The following OR7E24 variants were observed in gnomAD, a reference collection of about 807,000 sequenced individuals.
OR7E24 encodes the protein olfactory receptor family 7 subfamily E member 24, also known as olfactory receptor 7E24.
For synonymous variants in OR7E24, 130 were observed against 157.5 expected, an observed-to-expected ratio of 0.83 and a Z score of 1.31; for missense variants, 385 against 410.3, an observed-to-expected ratio of 0.94 and a Z score of 0.53.
chr19:9,250,439 A>G (rs554471699), upstream of OR7E24, among the ~76,000 whole-genome samples: 7 of 152,356 alleles, frequency 4.6e-5, no homozygotes, highest in Admixed American at 4.6e-4. Flanking sequence ...AAGGACAGGA[A>G]TTATAATTAA....
chr19:9,238,550 T>C, the OR7E24 span, among the ~76,000 whole-genome samples: 2 of 152,350 alleles, frequency 1.3e-5, no homozygotes, highest in Non-Finnish European at 2.9e-5. Context: ...CCCATTTGTA[T>C]GTTATCTTTC....
At chr19:9,230,955 A>G in the OR7E24 span, among the ~76,000 whole-genome samples, 1 of 152,122 alleles carries the variant, frequency 6.6e-6, no homozygotes, top group African/African-American at 2.4e-5. Context: ...TCTGTGGCCC[A>G]GGCTAGAGTA....
the OR7E24 span, among the ~76,000 whole-genome samples, chr19:9,234,204 A>G: frequency 1.3e-5 from 2 of 152,194 alleles, no homozygotes; most frequent in Non-Finnish European, 2.9e-5. Context: ...GCCTGGCCAC[A>G]TGTCTTTCTT....
chr19:9,233,150 C>T, the OR7E24 span, among the ~76,000 whole-genome samples: 2 of 152,168 alleles, frequency 1.3e-5, no homozygotes, highest in African/African-American at 4.8e-5. Flanking sequence ...ATCTTCTTCT[C>T]TTAGCTCCAA....
the OR7E24 span, among the ~76,000 whole-genome samples, chr19:9,227,438 C>T: frequency 4.6e-5 from 7 of 152,104 alleles, no homozygotes; most frequent in Non-Finnish European, 1.0e-4. Context: ...CCACGTTGGC[C>T]AGGCTGGTCT....
chr19:9,215,867 C>T, the OR7E24 span, among the ~76,000 whole-genome samples: 2 of 152,114 alleles, frequency 1.3e-5, no homozygotes, highest in Non-Finnish European at 2.9e-5. Context: ...ATGCATTAGT[C>T]TGTTTTCACT....
the OR7E24 span, among the ~76,000 whole-genome samples, chr19:9,231,787 A>G: frequency 6.6e-6 from 1 of 152,184 alleles, no homozygotes; most frequent in Non-Finnish European, 1.5e-5. Context: ...GGAGTCTTAC[A>G]TGTTCACGGT....
the OR7E24 span, among the ~76,000 whole-genome samples, chr19:9,239,013 A>G: frequency 1.3e-5 from 2 of 152,188 alleles, no homozygotes; most frequent in African/African-American, 4.8e-5. Flanking sequence ...TACTGCTTTC[A>G]TATAAACTCA....
chr19:9,223,357 G>A, the OR7E24 span, among the ~76,000 whole-genome samples: 1 of 152,296 alleles, frequency 6.6e-6, no homozygotes, highest in South Asian at 2.1e-4. Context: ...ACCATCAGGT[G>A]GCCAATGATA....
At chr19:9,236,935 A>G in the OR7E24 span, among the ~76,000 whole-genome samples, 2 of 152,176 alleles carry the variant, frequency 1.3e-5, no homozygotes, top group African/African-American at 2.4e-5. Flanking sequence ...TTTCATCCTA[A>G]AAACCTTTCT....
the OR7E24 span, chr19:9,214,673 G>A: frequency 6.2e-7 from 1 of 1,614,070 alleles, no homozygotes; most frequent in African/African-American, 1.3e-5. Context: ...TGGGGGTGTG[G>A]AGGTGGGAGT....
At chr19:9,234,206 GTCT>G in the OR7E24 span, among the ~76,000 whole-genome samples, 1 of 152,068 alleles carries the variant, frequency 6.6e-6, no homozygotes, top group Non-Finnish European at 1.5e-5. Flanking sequence ...CTGGCCACAT[GTCT>G]TTCTTAAGGT....
chr19:9,219,245 TG>T, the OR7E24 span: 1 of 152,288 alleles, frequency 6.6e-6, no homozygotes, highest in East Asian at 1.9e-4. Context: ...AATAAGTAAC[TG>T]GATGTACGAA....
chr19:9,240,845 T>C, the OR7E24 span, among the ~76,000 whole-genome samples: 2 of 152,182 alleles, frequency 1.3e-5, no homozygotes, highest in African/African-American at 4.8e-5. Flanking sequence ...TGAGACACAG[T>C]CTCTCTCTGT....
At chr19:9,217,363 A>T in the OR7E24 span, among the ~76,000 whole-genome samples, 2 of 152,310 alleles carry the variant, frequency 1.3e-5, no homozygotes, top group South Asian at 2.1e-4. Flanking sequence ...TTGAAAAAAA[A>T]TTTGCATTTT....
At chr19:9,215,827 A>C in the OR7E24 span, among the ~76,000 whole-genome samples, 5 of 152,226 alleles carry the variant, frequency 3.3e-5, no homozygotes, top group Admixed American at 3.3e-4. Context: ...ATTTTCTGAA[A>C]TCAGACTTTT....
the OR7E24 span, among the ~76,000 whole-genome samples, chr19:9,217,787 C>T: frequency 6.6e-6 from 1 of 152,144 alleles, no homozygotes; most frequent in Non-Finnish European, 1.5e-5. Flanking sequence ...GATCTGCCCA[C>T]CTCGGCCTCC....
At chr19:9,244,712 A>G (rs144632798), upstream of OR7E24, among the ~76,000 whole-genome samples, 71 of 152,360 alleles carry the variant, frequency 4.7e-4, no homozygotes, top group African/African-American at 1.5e-3. Flanking sequence ...AAAAGCACAG[A>G]CAACAATATA....
the OR7E24 span, chr19:9,213,870 T>A: frequency 6.6e-7 from 1 of 1,518,322 alleles, no homozygotes; most frequent in Non-Finnish European, 9.1e-7. Flanking sequence ...GTACGCAGTG[T>A]GTCCTCTTAG....
Sources: gnomAD v4.1 joint callset for allele counts (sites outside exome capture counted in the v4.1 genomes callset) on GRCh38, gnomAD v4.1.1 for gene constraint, MANE v1.5 for transcripts, NCBI Gene and HGNC (gene_info 2026-07-23, HGNC 2026-07-21) for gene names.